The following TBC1D13 variants were observed in gnomAD, a reference collection of about 807,000 sequenced individuals.
TBC1D13 encodes epididymis secretory sperm binding protein.
Under a neutral mutation model 53.6 loss-of-function variants are expected in TBC1D13, and 40 were observed. The observed-to-expected ratio is 0.75, with a 90% CI of 0.58 to 0.97. TBC1D13 has a LOEUF of 0.97. TBC1D13 is among the 50% of genes least tolerant of loss of function. The probability of loss-of-function intolerance (pLI) is 0.00; values close to 1 mark genes in which losing one functional copy is unlikely to be tolerated. For missense variants in TBC1D13, 377 were observed against 499.4 expected (o/e 0.75, Z 2.34); for synonymous variants, 182 against 197.7 (o/e 0.92, Z 0.67).
chr9:128,800,595 G>A (rs1829715530), intron 7 of TBC1D13, among the ~76,000 whole-genome samples: 1 of 151,870 alleles, frequency 6.6e-6, no homozygotes, highest in Non-Finnish European at 1.5e-5. Flanking sequence ...CTGACCTAAA[G>A]TGATCCACCC....
intron 6 of TBC1D13, among the ~76,000 whole-genome samples, chr9:128,794,205 A>G (rs971167644): frequency 1.3e-5 from 2 of 152,170 alleles, no homozygotes; most frequent in Admixed American, 6.5e-5. Flanking sequence ...AAGAAGGCGC[A>G]TGGCAGGATA....
At chr9:128,805,801 T>C (rs1023898458) in intron 9 of TBC1D13, 58 bp from the exon 10 acceptor site, 1 of 1,573,724 alleles carries the variant, frequency 6.4e-7, no homozygotes, top group Non-Finnish European at 8.6e-7. Context: ...TGCGTGGTGC[T>C]CCATGGCCGG....
intron 11 of TBC1D13, among the ~76,000 whole-genome samples, chr9:128,806,898 C>T (rs10988123): frequency 1.3e-5 from 2 of 149,830 alleles, no homozygotes; most frequent in Non-Finnish European, 3.0e-5. Flanking sequence ...GAGCCAAGAT[C>T]GCATCACTGC....
At chr9:128,788,663 G>A (rs565697025) in intron 2 of TBC1D13, among the ~76,000 whole-genome samples, 17 of 152,336 alleles carry the variant, frequency 1.1e-4, no homozygotes, top group African/African-American at 3.8e-4. Flanking sequence ...TAAGCTTTCC[G>A]CAGGAGGTGC....
rs991998412 is a variant in TBC1D13 at position 128,807,843 on chromosome 9, C to G, written c.1167C>G (p.Ile389Met). Residue 389 changes from isoleucine (I) to methionine (M), a missense_variant, in exon 12 of 12, where the codon ATC (isoleucine) becomes ATG (methionine). Ile to Met is a conservative substitution (Grantham distance 10). Transcript: ENST00000372648. ...ACCCCATCACAGATGTCTGCCAGAT[C>G]CTGCAGAAAGCCAAGGAGCTCCAAG... ...QDYPITDVCQILQKAKELQDS... is the reference protein window; with the variant it reads ...QDYPITDVCQMLQKAKELQDS... 3 of 1,614,202 alleles carry G rather than the reference C, an allele frequency of 1.9e-6. No homozygotes were observed. The highest frequency in any genetic ancestry group is 1.7e-5 in the Admixed American group (1 of 60,030).
At chr9:128,797,825 C>T in intron 7 of TBC1D13, among the ~76,000 whole-genome samples, 1 of 151,910 alleles carries the variant, frequency 6.6e-6, no homozygotes, top group East Asian at 1.9e-4. Context: ...ATTAAGAAAA[C>T]GGCCAGGCAC....
chr9:128,804,740 T>TTG (rs1829800676), intron 9 of TBC1D13, among the ~76,000 whole-genome samples: 1 of 142,508 alleles, frequency 7.0e-6, no homozygotes, highest in South Asian at 2.3e-4. Context: ...TTTTTTTTTT[T>TTG]TTTTTGAGAA....
intron 2 of TBC1D13, 148 bp from the exon 3 acceptor site, chr9:128,790,587 C>A: frequency 1.4e-6 from 1 of 704,366 alleles, no homozygotes; most frequent in Non-Finnish European, 2.3e-6. Context: ...AAAAAGAAAC[C>A]ATCCAATCTA....
At chr9:128,802,255 T>A (rs12555528) in intron 7 of TBC1D13, among the ~76,000 whole-genome samples, 7,506 of 146,486 alleles carry the variant, frequency 0.051, 443 homozygotes, top group Admixed American at 0.15. Context: ...ACAGGGTTTC[T>A]CCATGTTGGT....
chr9:128,789,133 C>T (rs2132528377), intron 2 of TBC1D13, among the ~76,000 whole-genome samples: 1 of 152,056 alleles, frequency 6.6e-6, no homozygotes, highest in African/African-American at 2.4e-5. Context: ...AACAGCCTGG[C>T]CAACATGGTG....
chr9:128,787,315 AGG>A lies in TBC1D13; in HGVS notation c.-38_-37del. ...GCGGCAGCGCAGGCGGCAGAGGCGC[AGG>A]CGGCGGAGGCGGCTGGGGGGTCCGG... On this transcript the variant is annotated 5_prime_UTR_variant, in exon 1 of 12. Coordinates refer to ENST00000372648, the MANE Select transcript of TBC1D13 (RefSeq NM_018201.5). 8.0e-7 allele frequency: 1 copy of A among 1,255,580 alleles called. No homozygotes were observed. The highest frequency in any genetic ancestry group is 1.0e-6 in the Non-Finnish European group (1 of 994,156). The allele number at this position is 1,255,580 out of a possible 1,614,324, so 77.8% of individuals were successfully genotyped here.
At chr9:128,804,976 A>G (rs112477390) in intron 9 of TBC1D13, among the ~76,000 whole-genome samples, 11,958 of 135,968 alleles carry the variant, frequency 0.088, 1,553 homozygotes, top group African/African-American at 0.3. Flanking sequence ...TGATCCGCCT[A>G]CCTCCCTCTC....
chr9:128,803,903 G>C, intron 8 of TBC1D13, 53 bp from the exon 9 acceptor site: 1 of 1,599,982 alleles, frequency 6.3e-7, no homozygotes, highest in Non-Finnish European at 8.5e-7. Context: ...GTAGGTGAGA[G>C]GTGGGGTGGG....
chr9:128,802,050 C>T (rs570389572), intron 7 of TBC1D13, among the ~76,000 whole-genome samples: 3 of 147,364 alleles, frequency 2.0e-5, no homozygotes, highest in Non-Finnish European at 3.0e-5. Context: ...CGTGAGCCAC[C>T]GCACCCAGCC....
intron 11 of TBC1D13, among the ~76,000 whole-genome samples, chr9:128,807,075 G>A (rs1011739416): frequency 1.3e-5 from 2 of 149,724 alleles, no homozygotes; most frequent in Non-Finnish European, 2.9e-5. Context: ...CGTGGCCTTA[G>A]TGTTGCTTTG....
chr9:128,788,432 C>T (rs767769181), intron 2 of TBC1D13, 25 bp downstream of exon 2: 3 of 1,609,416 alleles, frequency 1.9e-6, no homozygotes, highest in African/African-American at 1.3e-5. Flanking sequence ...TGTATTTTCA[C>T]GGTTTCCCTA....
chr9:128,805,836 C>T (rs771040680), intron 9 of TBC1D13, 23 bp from the exon 10 acceptor site: 4 of 1,608,714 alleles, frequency 2.5e-6, no homozygotes, highest in Admixed American at 3.3e-5. Context: ...TCATGCCCCC[C>T]ACCCCCCACG....
intron 2 of TBC1D13, among the ~76,000 whole-genome samples, chr9:128,789,545 A>C (rs1423660915): frequency 6.6e-6 from 1 of 151,870 alleles, no homozygotes; most frequent in East Asian, 1.9e-4. Context: ...TTTTACAGAT[A>C]AGTTTCCTTC....
chr9:128,804,567 C>A (rs1028686563), intron 9 of TBC1D13, among the ~76,000 whole-genome samples: 3 of 151,080 alleles, frequency 2.0e-5, no homozygotes, highest in African/African-American at 4.9e-5. Flanking sequence ...CCACTGTGCC[C>A]GGCTAATTTT....
Sources: gnomAD v4.1 joint callset for allele counts (sites outside exome capture counted in the v4.1 genomes callset) on GRCh38, gnomAD v4.1.1 for gene constraint, MANE v1.5 for transcripts, NCBI Gene and HGNC (gene_info 2026-07-23, HGNC 2026-07-21) for gene names.